Variants in RHOBTB1 observed in about 807,000 individuals in gnomAD.
RHOBTB1 encodes the protein Rho related BTB domain containing 1.
In RHOBTB1, 40 loss-of-function variants were observed where a neutral mutation model predicts 71.6. The observed-to-expected ratio is 0.56, with a 90% confidence interval of 0.43 to 0.73. The LOEUF (loss-of-function observed/expected upper bound fraction) is 0.73, where lower values mean the gene tolerates loss of function less well. Ranked by LOEUF, RHOBTB1 falls within the 30% of genes least tolerant of loss-of-function variation. The pLI is 0.00. For missense variants in RHOBTB1, 797 were observed against 894.0 expected (o/e 0.89, Z 1.38); for synonymous variants, 319 against 334.9 (o/e 0.95, Z 0.52).
At chr10:60,921,450 A>G (rs2083557175) in intron 2 of RHOBTB1, among the ~76,000 whole-genome samples, 1 of 152,252 alleles carries the variant, frequency 6.6e-6, no homozygotes, top group African/African-American at 2.4e-5. Context: ...GGAAGAAGAC[A>G]CACTGCAAAC....
chr10:60,946,052 C>T (rs897829170), upstream of RHOBTB1, among the ~76,000 whole-genome samples: 2 of 152,178 alleles, frequency 1.3e-5, no homozygotes, highest in African/African-American at 4.8e-5. Flanking sequence ...GTGGCGCACG[C>T]CTGTAGTCCC....
chr10:60,995,821 C>T (rs1288735358), intron 1 of RHOBTB1, among the ~76,000 whole-genome samples: 5 of 151,854 alleles, frequency 3.3e-5, no homozygotes, highest in Non-Finnish European at 7.4e-5. Flanking sequence ...CAATCATTTT[C>T]CTCTTTTTTT....
intron 4 of RHOBTB1, among the ~76,000 whole-genome samples, chr10:60,897,778 C>T (rs917396102): frequency 5.3e-5 from 8 of 152,162 alleles, no homozygotes; most frequent in African/African-American, 1.9e-4. Context: ...TCAATCTCGG[C>T]TCACTGCAAC....
chr10:60,974,931 A>C (rs141462265), intron 2 of RHOBTB1, among the ~76,000 whole-genome samples: 1,579 of 152,160 alleles, frequency 0.01, 11 homozygotes, highest in Middle Eastern at 0.027. Flanking sequence ...GCAAATGTGA[A>C]TAAGAAATGA....
chr10:60,888,503 G>T lies in RHOBTB1; in HGVS notation c.1165C>A (p.Pro389Thr). Residue 389 changes from proline (P) to threonine (T), a missense_variant, in exon 6 of 11, where the codon CCC (proline) becomes ACC (threonine). Physicochemically the swap from Pro to Thr is conservative, Grantham distance 38. Around this residue, in one of 2 missense-constraint regions of RHOBTB1, gnomAD observed 658 missense variants for 681.5 expected, o/e 0.97. Transcript: ENST00000337910. ...IGMHREMQVN[P>T]ISKRMGPMTV... ...ATGGGCCCCATCCGCTTTGAAATGG[G>T]GTTGACTTGCATTTCCCTGTGCATG... The T allele has an allele frequency of 1.2e-6, 2 of 1,614,168 alleles. No individual in the cohort carries two copies. The highest frequency in any genetic ancestry group is 1.7e-6 in the Non-Finnish European group (2 of 1,180,042).
chr10:60,990,897 C>A (rs566928155), intron 1 of RHOBTB1, among the ~76,000 whole-genome samples: 1 of 152,204 alleles, frequency 6.6e-6, no homozygotes, highest in Admixed American at 6.5e-5. Context: ...TGCTGTCTCC[C>A]GTGATGTCTC....
downstream of RHOBTB1, among the ~76,000 whole-genome samples, chr10:60,865,633 G>C (rs1323684499): frequency 6.6e-6 from 1 of 152,196 alleles, no homozygotes; most frequent in Non-Finnish European, 1.5e-5. Flanking sequence ...TCAGATGGCA[G>C]GAAGCTAAAC....
At chr10:60,996,321 G>C (rs2087048517) in intron 1 of RHOBTB1, among the ~76,000 whole-genome samples, 1 of 152,046 alleles carries the variant, frequency 6.6e-6, no homozygotes, top group South Asian at 2.1e-4. Flanking sequence ...TCAGTATTCT[G>C]AACTAAATAC....
chr10:60,966,832 C>T (rs1352699012), intron 2 of RHOBTB1, among the ~76,000 whole-genome samples: 1 of 142,732 alleles, frequency 7.0e-6, no homozygotes, highest in African/African-American at 2.6e-5. Flanking sequence ...TGCTATCCCT[C>T]CCCCCTCCCC....
chr10:60,862,277 A>T, the RHOBTB1 span, among the ~76,000 whole-genome samples: 1,117 of 151,300 alleles, frequency 7.4e-3, 2 homozygotes, highest in Non-Finnish European at 0.011. Flanking sequence ...GGCTAACTGA[A>T]ACTTTTACCA....
At chr10:60,978,681 G>A (rs2086394555) in intron 2 of RHOBTB1, among the ~76,000 whole-genome samples, 1 of 152,096 alleles carries the variant, frequency 6.6e-6, no homozygotes, top group Non-Finnish European at 1.5e-5. Context: ...ATCCAGAAAT[G>A]TCATTCGAGG....
chr10:60,991,432 T>G, intron 1 of RHOBTB1, among the ~76,000 whole-genome samples: 1 of 30,158 alleles, frequency 3.3e-5, no homozygotes, highest in Non-Finnish European at 6.8e-5. Context: ...CCCTCAGTAC[T>G]TTTTTTTTTT....
intron 2 of RHOBTB1, among the ~76,000 whole-genome samples, chr10:60,980,753 A>G (rs1446418577): frequency 2.0e-5 from 3 of 152,216 alleles, no homozygotes; most frequent in Non-Finnish European, 4.4e-5. Flanking sequence ...CTTCTACTCA[A>G]TCTTTCTGGC....
intron 2 of RHOBTB1, among the ~76,000 whole-genome samples, chr10:60,982,556 C>T (rs1317336096): frequency 9.2e-5 from 14 of 152,098 alleles, no homozygotes; most frequent in Admixed American, 9.2e-4. Context: ...AGCAAGCATC[C>T]TTGGCCTCCC....
intron 7 of RHOBTB1, among the ~76,000 whole-genome samples, chr10:60,883,014 T>A (rs868229993): frequency 2.6e-5 from 4 of 152,108 alleles, no homozygotes; most frequent in Admixed American, 6.6e-5. Context: ...ATTTTACAGA[T>A]GAGGAAACAG....
downstream of RHOBTB1, among the ~76,000 whole-genome samples, chr10:60,865,757 T>A (rs186293528): frequency 6.9e-4 from 105 of 152,068 alleles, no homozygotes; most frequent in African/African-American, 2.1e-3. Flanking sequence ...TGTCATTGAG[T>A]TCAGTGTTCC....
At chr10:60,921,916 G>C (rs1174818873) in intron 2 of RHOBTB1, among the ~76,000 whole-genome samples, 3 of 152,150 alleles carry the variant, frequency 2.0e-5, no homozygotes, top group Non-Finnish European at 4.4e-5. Context: ...GTAACCATGG[G>C]AGCCACCAGA....
chr10:60,913,282 A>G lies in RHOBTB1; in HGVS notation c.-10-1730T>C, dbSNP rs555171615. Among the ~76,000 whole-genome samples, 4 of 152,308 alleles carry G rather than the reference A, an allele frequency of 2.6e-5. No homozygotes were observed. The South Asian group carries it at 8.3e-4, about 32-fold the overall frequency. Reference sequence around the variant, plus strand: ...GATTTGGCAGGAATGGAGTAGAGTGATTCAAGGAACAGATATGTGCTTAGG... The same window carrying G: ...GATTTGGCAGGAATGGAGTAGAGTGGTTCAAGGAACAGATATGTGCTTAGG... On this transcript the variant is annotated intron_variant, in intron 2 of 10. Coordinates refer to ENST00000337910, the MANE Select transcript of RHOBTB1 (RefSeq NM_014836.5).
At chr10:60,978,599 T>C (rs2086391199) in intron 2 of RHOBTB1, among the ~76,000 whole-genome samples, 1 of 152,002 alleles carries the variant, frequency 6.6e-6, no homozygotes, top group Non-Finnish European at 1.5e-5. Context: ...GTCAGCAGGG[T>C]CTCAAGGCTA....
Sources: gnomAD v4.1 joint callset for allele counts (sites outside exome capture counted in the v4.1 genomes callset) on GRCh38, gnomAD v4.1.1 for gene constraint, gnomAD v4.1.1 regional missense constraint, MANE v1.5 for transcripts, NCBI Gene and HGNC (gene_info 2026-07-23, HGNC 2026-07-21) for gene names.